ATP1A4: variants seen among roughly 807,000 people sequenced by gnomAD.
The protein encoded by ATP1A4 is ATPase Na+/K+ transporting subunit alpha 4.
Under a neutral mutation model 114.3 loss-of-function variants are expected in ATP1A4, and 90 were observed. That is an observed-to-expected ratio of 0.79 (90% CI 0.66 to 0.94). ATP1A4 has a LOEUF of 0.94. Ranked by LOEUF, ATP1A4 falls within the 40% of genes least tolerant of loss-of-function variation. ATP1A4 has a pLI of 0.00. For missense variants in ATP1A4, 1,222 were observed against 1,313.6 expected (o/e 0.93, Z 1.08); for synonymous variants, 511 against 494.1 (o/e 1.03, Z -0.45).
chr1:160,172,734 C>T (rs891422073), intron 12 of ATP1A4, among the ~76,000 whole-genome samples: 2 of 152,152 alleles, frequency 1.3e-5, no homozygotes, highest in African/African-American at 4.8e-5. Flanking sequence ...TAGGTGTTCT[C>T]TGTTGGAACT....
At chr1:160,163,125 T>G (rs899584659) in intron 6 of ATP1A4, among the ~76,000 whole-genome samples, 1 of 152,118 alleles carries the variant, frequency 6.6e-6, no homozygotes, top group Admixed American at 6.5e-5. Context: ...CAATTCAGAC[T>G]CGGCATGTCT....
At chr1:160,152,636 T>C (rs1012690787) in intron 1 of ATP1A4, among the ~76,000 whole-genome samples, 3 of 152,196 alleles carry the variant, frequency 2.0e-5, no homozygotes, top group African/African-American at 7.2e-5. Context: ...GTGGGGTCTT[T>C]GTCTTTAATT....
In ATP1A4 at chr1:160,159,477, C is replaced by A. The variant is rs901907477; in HGVS notation, c.729C>A (p.Asn243Lys). The A allele has an allele frequency of 3.7e-6, 6 of 1,613,284 alleles. No homozygotes were observed. The highest frequency in any genetic ancestry group is 1.3e-5 in the African/African-American group (1 of 74,888). ...GCTCCCCTGACTTCACCCATGAGAACCCTCTGGAGACCCGAAACATCTGCT... is the reference window on the plus strand; with the variant it reads ...GCTCCCCTGACTTCACCCATGAGAAACCTCTGGAGACCCGAAACATCTGCT... ...QSRSPDFTHE[N>K]PLETRNICFF... Residue 243 changes from asparagine (N) to lysine (K), a missense_variant, in exon 6 of 22, where the codon AAC (asparagine) becomes AAA (lysine). Transcript: ENST00000368081.
intron 10 of ATP1A4, among the ~76,000 whole-genome samples, chr1:160,167,783 G>A (rs977895788): frequency 1.8e-4 from 28 of 152,194 alleles, no homozygotes; most frequent in African/African-American, 6.3e-4. Context: ...GAGATTTGCC[G>A]CTGCAGTATT....
intron 2 of ATP1A4, among the ~76,000 whole-genome samples, chr1:160,154,025 A>C (rs1652549737): frequency 6.6e-6 from 1 of 152,184 alleles, no homozygotes; most frequent in African/African-American, 2.4e-5. Context: ...GAGTGGAATG[A>C]GAATCTATGC....
intron 4 of ATP1A4, among the ~76,000 whole-genome samples, chr1:160,158,097 G>A (rs1050475399): frequency 6.6e-6 from 1 of 151,552 alleles, no homozygotes; most frequent in African/African-American, 2.4e-5. Flanking sequence ...AGGCATGGTC[G>A]GTTAGCTTTT....
chr1:160,156,839 G>A (rs1042533680), intron 4 of ATP1A4, among the ~76,000 whole-genome samples: 7 of 152,202 alleles, frequency 4.6e-5, no homozygotes, highest in African/African-American at 1.7e-4. Flanking sequence ...TATTCCGAGG[G>A]TGGTGGCTCC....
At position 160,174,732 on chromosome 1, in the gene ATP1A4, A is replaced by T. The variant is rs1182131173; in HGVS notation, c.2296A>T (p.Thr766Ser). 7 of 1,613,964 alleles carry T rather than the reference A, an allele frequency of 4.3e-6. No individual in the cohort carries two copies. In the Admixed American group the frequency reaches 1.2e-4, roughly 27 times the overall value. The change falls in exon 15 of 22, where the codon ACG (threonine) becomes TCG (serine). Residue 766 changes from threonine to serine, a missense_variant. Transcript: ENST00000368081. The part of the protein sequence containing the change: ...LLDDNFASIV[T>S]GVEEGRLIFD... ...GGATGACAACTTTGCCTCCATCGTC[A>T]CGGGGGTGGAGGAGGGTGAGGAGGC...
In ATP1A4 at chr1:160,156,154, C is replaced by T. The variant is rs781140975; in HGVS notation, c.521C>T (p.Pro174Leu). 12 of 1,604,452 alleles carry T rather than the reference C, an allele frequency of 7.5e-6. No homozygotes were observed. The highest frequency in any genetic ancestry group is 1.0e-5 in the Non-Finnish European group (12 of 1,171,418). The change falls in exon 4 of 22, where the codon CCT (proline) becomes CTT (leucine). Residue 174 changes from proline (P) to leucine (L), a missense_variant. Physicochemically the swap from Pro to Leu is moderately conservative, Grantham distance 98. Coordinates refer to ENST00000368081, the MANE Select transcript of ATP1A4 (RefSeq NM_144699.4). ...KIMESFKNMVPQQALVIRGGE... is the reference protein window; with the variant it reads ...KIMESFKNMVLQQALVIRGGE... ...ATGGAGTCTTTTAAGAACATGGTGCCTCAGGTAGGATTGGAGTGGGAGGAT... is the reference window on the plus strand; with the variant it reads ...ATGGAGTCTTTTAAGAACATGGTGCTTCAGGTAGGATTGGAGTGGGAGGAT...
chr1:160,160,169 A>T (rs996412921), intron 6 of ATP1A4, among the ~76,000 whole-genome samples: 11 of 152,130 alleles, frequency 7.2e-5, no homozygotes, highest in Non-Finnish European at 7.4e-5. Flanking sequence ...GAAAACTATT[A>T]TTCATGCTTA....
At chr1:160,156,186 G>A (rs2102010270) in intron 4 of ATP1A4, 28 bp downstream of exon 4, 1 of 1,432,204 alleles carries the variant, frequency 7.0e-7, no homozygotes, top group Middle Eastern at 1.8e-4. Context: ...GGATCTAGTG[G>A]GAGCAGGAGC....
chr1:160,176,627 G>A, intron 17 of ATP1A4, 25 bp downstream of exon 17: 1 of 1,610,024 alleles, frequency 6.2e-7, no homozygotes, highest in Non-Finnish European at 8.5e-7. Context: ...ATGAGGGGTG[G>A]AGGGAGCAGG....
chr1:160,152,305 A>T, intron 1 of ATP1A4, 118 bp downstream of exon 1: 7 of 1,102,806 alleles, frequency 6.3e-6, no homozygotes, highest in Non-Finnish European at 8.7e-6. Flanking sequence ...CTTCTCTGTT[A>T]GGCTTTGGAG....
rs1652957461 is a variant in ATP1A4 at position 160,164,236 on chromosome 1, G to T, written c.859G>T (p.Val287Phe). ...RIASLTSGLAVGQTPIAAEIE... is the reference protein window; with the variant it reads ...RIASLTSGLAFGQTPIAAEIE... ...TGCCTCCCTGACGTCAGGCCTGGCGGTTGGCCAGACACCTATCGCTGCTGA... is the reference window on the plus strand; with the variant it reads ...TGCCTCCCTGACGTCAGGCCTGGCGTTTGGCCAGACACCTATCGCTGCTGA... Residue 287 changes from valine (V) to phenylalanine (F), a missense_variant, in exon 7 of 22, where the codon GTT becomes TTT. Coordinates refer to ENST00000368081, the MANE Select transcript of ATP1A4 (RefSeq NM_144699.4). 1 of 1,614,222 alleles carries T rather than the reference G, an allele frequency of 6.2e-7. No homozygotes were observed. Among genetic ancestry groups the T allele is most frequent in the Non-Finnish European group, 8.5e-7 (1 of 1,180,028 alleles).
At chr1:160,161,019 A>C (rs1246245575) in intron 6 of ATP1A4, among the ~76,000 whole-genome samples, 1 of 152,154 alleles carries the variant, frequency 6.6e-6, no homozygotes, top group African/African-American at 2.4e-5. Flanking sequence ...GGTATGGAGG[A>C]AAGTGGATGG....
chr1:160,182,055 C>A (rs771341168), intron 20 of ATP1A4, 24 bp downstream of exon 20: 17 of 1,586,590 alleles, frequency 1.1e-5, no homozygotes, highest in Non-Finnish European at 1.4e-5. Flanking sequence ...GGGATGCAAG[C>A]AGGGGATGTG....
intron 7 of ATP1A4, among the ~76,000 whole-genome samples, chr1:160,165,745 GA>G (rs982238946): frequency 4.0e-5 from 6 of 151,068 alleles, no homozygotes; most frequent in South Asian, 4.2e-4. Flanking sequence ...TCCGTCTCGA[GA>G]AAAAAAAAGA....
chr1:160,176,532 G>A lies in ATP1A4; in HGVS notation c.2520G>A (p.Arg840=), dbSNP rs1653470250. 1 of 1,614,138 alleles carries A rather than the reference G, an allele frequency of 6.2e-7. No homozygotes were observed. Among genetic ancestry groups the A allele is most frequent in the Non-Finnish European group, 8.5e-7 (1 of 1,180,034 alleles). ...YESAESDIMK[R]LPRNPKTDNL... is the part of the protein sequence containing the mutation. ...CAGCTGAAAGCGACATCATGAAGAG[G>A]CTTCCAAGGAACCCAAAGACGGATA... The change falls in exon 17 of 22, where the codon AGG becomes AGA. Residue 840 remains arginine (R), a synonymous_variant. Coordinates refer to ENST00000368081, the MANE Select transcript of ATP1A4 (RefSeq NM_144699.4).
chr1:160,177,704 A>T, intron 18 of ATP1A4, 40 bp downstream of exon 18: 4 of 1,610,226 alleles, frequency 2.5e-6, no homozygotes, highest in Non-Finnish European at 1.7e-6. Context: ...GACCAGTAAG[A>T]GTGAGAGTGA....
Sources: allele counts gnomAD v4.1 joint callset (sites outside exome capture counted in the v4.1 genomes callset), GRCh38; gene constraint gnomAD v4.1.1; transcripts MANE v1.5; gene names NCBI Gene and HGNC (gene_info 2026-07-23, HGNC 2026-07-21).